KCNH5: variants seen among roughly 807,000 people sequenced by gnomAD.
The protein encoded by KCNH5 is potassium voltage-gated channel subfamily H member 5.
A neutral mutation model predicts 96.1 loss-of-function variants in KCNH5; 46 were observed. The observed-to-expected ratio is 0.48, with a 90% CI of 0.38 to 0.61. The LOEUF is 0.61. Ranked by LOEUF, KCNH5 falls within the 20% of genes least tolerant of loss-of-function variation. KCNH5 has a pLI of 0.00. For missense variants in KCNH5, 907 were observed against 1,225.8 expected, an observed-to-expected ratio of 0.74 and a Z score of 3.88; for synonymous variants, 439 against 449.8, an observed-to-expected ratio of 0.98 and a Z score of 0.30.
chr14:63,026,791 T>C (rs1891531977), intron 1 of KCNH5, among the ~76,000 whole-genome samples: 1 of 152,092 alleles, frequency 6.6e-6, no homozygotes, highest in Non-Finnish European at 1.5e-5. Flanking sequence ...GAAAACAGTA[T>C]GGAGGTTCCT....
At chr14:62,915,342 G>C (rs1317311222) in intron 7 of KCNH5, among the ~76,000 whole-genome samples, 4 of 152,116 alleles carry the variant, frequency 2.6e-5, no homozygotes, top group Admixed American at 6.5e-5. Context: ...GGTCTATAAG[G>C]TTCCAAAACT....
At chr14:62,966,966 C>T (rs1275227911) in intron 6 of KCNH5, among the ~76,000 whole-genome samples, 3 of 152,078 alleles carry the variant, frequency 2.0e-5, no homozygotes, top group Admixed American at 2.0e-4. Flanking sequence ...TCCCTTTTAC[C>T]GTGGTAAGCA....
At chr14:62,842,987 C>T (rs2140038875) in intron 8 of KCNH5, among the ~76,000 whole-genome samples, 1 of 152,252 alleles carries the variant, frequency 6.6e-6, no homozygotes, top group African/African-American at 2.4e-5. Context: ...TCATTTAGTA[C>T]TATGTTCTAC....
chr14:62,961,278 T>C (rs190386991), intron 6 of KCNH5, among the ~76,000 whole-genome samples: 68 of 152,276 alleles, frequency 4.5e-4, no homozygotes, highest in Middle Eastern at 6.8e-3. Context: ...CTCTGTCATA[T>C]AGGACTTCTT....
chr14:62,831,858 G>T (rs1887356788), intron 8 of KCNH5, among the ~76,000 whole-genome samples: 1 of 152,036 alleles, frequency 6.6e-6, no homozygotes, highest in African/African-American at 2.4e-5. Context: ...ACAGGCATGT[G>T]CCACCATGTC....
Position 62,709,232 on chromosome 14 carries a change from C to CAAAAAAAAAAAAAAAAAAAAA in KCNH5, c.2020-798_2020-778dup, listed in dbSNP as rs67304113. Among the ~76,000 whole-genome samples the CAAAAAAAAAAAAAAAAAAAAA allele has an allele frequency of 7.0e-5, 5 of 71,572 alleles. 1 individual carries two copies. The highest frequency in any genetic ancestry group is 2.5e-4 in the African/African-American group (5 of 19,718). The allele number at this position is 71,572 out of a possible 152,430, so 47.0% of individuals were successfully genotyped here. On this transcript the variant is annotated intron_variant, in intron 10 of 10. Coordinates refer to ENST00000322893, the MANE Select transcript of KCNH5 (RefSeq NM_139318.5). ...TGGGCGACAGAACGAGACTCCTTCT[C>CAAAAAAAAAAAAAAAAAAAAA]AAAAAAAAAAAAAAAAAAAAAAAAA...
At chr14:62,830,903 C>T (rs889723913) in intron 8 of KCNH5, among the ~76,000 whole-genome samples, 2 of 152,038 alleles carry the variant, frequency 1.3e-5, no homozygotes, top group African/African-American at 4.8e-5. Flanking sequence ...CATTAGGTTC[C>T]TTATCTAAAA....
At chr14:62,853,312 C>T (rs890511660) in intron 7 of KCNH5, among the ~76,000 whole-genome samples, 11 of 151,748 alleles carry the variant, frequency 7.2e-5, no homozygotes, top group Non-Finnish European at 1.5e-4. Flanking sequence ...TTTAAAATTA[C>T]ACTGGAATCT....
At chr14:62,785,684 G>A (rs1886307217) in intron 9 of KCNH5, among the ~76,000 whole-genome samples, 1 of 152,160 alleles carries the variant, frequency 6.6e-6, no homozygotes, top group African/African-American at 2.4e-5. Context: ...TTGTAAAACA[G>A]AAATAATTGT....
chr14:62,848,212 T>G (rs1318444741), intron 8 of KCNH5, among the ~76,000 whole-genome samples: 1 of 152,116 alleles, frequency 6.6e-6, no homozygotes, highest in Non-Finnish European at 1.5e-5. Context: ...CCTCTTGATC[T>G]GTTTCATTTA....
chr14:62,984,906 C>T (rs1890676105), intron 5 of KCNH5, among the ~76,000 whole-genome samples: 1 of 152,152 alleles, frequency 6.6e-6, no homozygotes, highest in Non-Finnish European at 1.5e-5. Context: ...AGAAGATTGT[C>T]TTCTCTATGG....
chr14:62,880,121 C>T (rs980068589), intron 7 of KCNH5, among the ~76,000 whole-genome samples: 11 of 152,150 alleles, frequency 7.2e-5, no homozygotes, highest in African/African-American at 2.2e-4. Context: ...CTAAACTAAA[C>T]ATTTCATTTC....
At chr14:62,774,376 C>T (rs1886053706) in intron 10 of KCNH5, among the ~76,000 whole-genome samples, 1 of 152,112 alleles carries the variant, frequency 6.6e-6, no homozygotes, top group Admixed American at 6.6e-5. Flanking sequence ...TGGTGAGAGT[C>T]CCCCGAAATC....
intron 1 of KCNH5, among the ~76,000 whole-genome samples, chr14:63,020,921 T>C (rs1486352454): frequency 6.6e-6 from 1 of 152,194 alleles, no homozygotes; most frequent in African/African-American, 2.4e-5. Flanking sequence ...CTGTGGTACC[T>C]AGGGCAGTTA....
intron 6 of KCNH5, among the ~76,000 whole-genome samples, chr14:62,969,593 G>T (rs1950977): frequency 0.18 from 28,028 of 151,690 alleles, 3,007 homozygotes; most frequent in Non-Finnish European, 0.25. Flanking sequence ...ATGGGGGGCT[G>T]CCAGGGACGG....
chr14:62,907,313 A>G (rs1211731880), intron 7 of KCNH5, among the ~76,000 whole-genome samples: 1 of 152,222 alleles, frequency 6.6e-6, no homozygotes, highest in Non-Finnish European at 1.5e-5. Flanking sequence ...GAGTGATTAC[A>G]GGGAAGCAAG....
At chr14:63,042,010 G>A (rs192222687) in intron 1 of KCNH5, among the ~76,000 whole-genome samples, 164 of 152,214 alleles carry the variant, frequency 1.1e-3, no homozygotes, top group Admixed American at 1.7e-3. Context: ...TCAAAAAAAT[G>A]TTCTGGTAAA....
At chr14:62,843,520 T>C (rs1887628345) in intron 8 of KCNH5, among the ~76,000 whole-genome samples, 1 of 150,490 alleles carries the variant, frequency 6.6e-6, no homozygotes, top group Non-Finnish European at 1.5e-5. Flanking sequence ...CAAGCAATTC[T>C]CCTGCCTCAG....
chr14:63,013,168 C>T (rs549249666), intron 2 of KCNH5, among the ~76,000 whole-genome samples: 1 of 151,862 alleles, frequency 6.6e-6, no homozygotes, highest in South Asian at 2.1e-4. Context: ...GAAATATTAG[C>T]CTCTTGATAT....
Sources: allele counts gnomAD v4.1 joint callset (sites outside exome capture counted in the v4.1 genomes callset), GRCh38; gene constraint gnomAD v4.1.1; transcripts MANE v1.5; gene names NCBI Gene and HGNC (gene_info 2026-07-23, HGNC 2026-07-21).